The following TENM3 variants were observed in gnomAD, a reference collection of about 807,000 sequenced individuals.
The protein encoded by TENM3 is teneurin-3.
In TENM3, 63 loss-of-function variants were observed where a neutral mutation model predicts 255.1. The observed-to-expected ratio is 0.25, with a 90% CI of 0.20 to 0.30. The LOEUF (loss-of-function observed/expected upper bound fraction) is 0.30, where lower values mean the gene tolerates loss of function less well. Among genes scored for constraint, TENM3 ranks in the 10% least tolerant of loss-of-function variants. The pLI is 1.00. For missense variants in TENM3, 2,929 were observed against 3,461.1 expected (o/e 0.85, Z 3.86); for synonymous variants, 1,306 against 1,322.3 (o/e 0.99, Z 0.27).
intron 4 of TENM3, among the ~76,000 whole-genome samples, chr4:182,616,522 T>TTAA (rs1554000094): frequency 2.2e-4 from 21 of 94,284 alleles, no homozygotes; most frequent in South Asian, 4.2e-4. Flanking sequence ...TAAAGTATAA[T>TTAA]AAAAAAAAAA....
the TENM3 span, among the ~76,000 whole-genome samples, chr4:181,971,854 A>G: frequency 6.6e-6 from 1 of 152,076 alleles, no homozygotes; most frequent in Non-Finnish European, 1.5e-5. Flanking sequence ...ACAGTCATGC[A>G]CCACTGCACC....
At chr4:181,752,793 A>G in the TENM3 span, among the ~76,000 whole-genome samples, 1 of 152,164 alleles carries the variant, frequency 6.6e-6, no homozygotes. Flanking sequence ...AGAAAAAAAA[A>G]TAGATCTTTT....
chr4:182,076,437 C>T, the TENM3 span, among the ~76,000 whole-genome samples: 3 of 152,094 alleles, frequency 2.0e-5, no homozygotes, highest in Admixed American at 6.6e-5. Context: ...CACTTGACCT[C>T]GTGATCCACC....
chr4:182,496,377 AT>A, intron 3 of TENM3, among the ~76,000 whole-genome samples: 1 of 151,676 alleles, frequency 6.6e-6, no homozygotes, highest in African/African-American at 2.4e-5. Context: ...TTAAGCATAC[AT>A]TTTCCTGAGA....
At chr4:181,595,444 A>AAAAAAAAAAAC in the TENM3 span, among the ~76,000 whole-genome samples, 167 of 129,320 alleles carry the variant, frequency 1.3e-3, 1 homozygote, top group African/African-American at 3.0e-3. Flanking sequence ...AAAAAAAAAA[A>AAAAAAAAAAAC]AAAAAAAAAA....
the TENM3 span, among the ~76,000 whole-genome samples, chr4:182,033,549 G>A: frequency 6.6e-6 from 1 of 152,148 alleles, no homozygotes; most frequent in Non-Finnish European, 1.5e-5. Context: ...TATCTATCAG[G>A]TCCACTTGAT....
the TENM3 span, among the ~76,000 whole-genome samples, chr4:181,720,227 G>T: frequency 6.6e-6 from 1 of 152,072 alleles, no homozygotes; most frequent in Non-Finnish European, 1.5e-5. Flanking sequence ...AAGTTTCCAT[G>T]GCATTATTTT....
chr4:182,055,180 C>G, the TENM3 span, among the ~76,000 whole-genome samples: 1 of 152,048 alleles, frequency 6.6e-6, no homozygotes, highest in African/African-American at 2.4e-5. Flanking sequence ...GATCCCATCC[C>G]TACAAAAAAT....
At chr4:182,611,133 GTC>G (rs761848991) in intron 4 of TENM3, among the ~76,000 whole-genome samples, 5 of 151,928 alleles carry the variant, frequency 3.3e-5, no homozygotes, top group African/African-American at 4.8e-5. Context: ...TAGATGACAG[GTC>G]TCCAAATATA....
the TENM3 span, among the ~76,000 whole-genome samples, chr4:181,864,022 G>A: frequency 2.0e-5 from 3 of 152,066 alleles, no homozygotes; most frequent in African/African-American, 7.2e-5. Flanking sequence ...AGTTTCATGT[G>A]AACATGAATC....
At chr4:182,308,065 T>C (rs958894927) in intron 1 of TENM3, among the ~76,000 whole-genome samples, 6 of 152,298 alleles carry the variant, frequency 3.9e-5, no homozygotes, top group South Asian at 2.1e-4. Flanking sequence ...TCTGCCGTGG[T>C]TTATAACTAC....
intron 12 of TENM3, among the ~76,000 whole-genome samples, chr4:182,713,032 TATC>T (rs1439822479): frequency 4.6e-5 from 7 of 152,238 alleles, no homozygotes; most frequent in Non-Finnish European, 8.8e-5. Flanking sequence ...GCATGCCAGA[TATC>T]ATCAGTAGGA....
the TENM3 span, among the ~76,000 whole-genome samples, chr4:181,562,433 T>C: frequency 7.2e-5 from 11 of 152,198 alleles, no homozygotes; most frequent in Non-Finnish European, 1.5e-4. Flanking sequence ...TTCAAAAGTA[T>C]GCTATAAAAA....
At chr4:181,589,317 T>C in the TENM3 span, among the ~76,000 whole-genome samples, 1 of 152,248 alleles carries the variant, frequency 6.6e-6, no homozygotes, top group East Asian at 1.9e-4. Context: ...TTTGTGACTT[T>C]GGTTTATAAA....
chr4:181,748,765 T>C, the TENM3 span, among the ~76,000 whole-genome samples: 2 of 152,106 alleles, frequency 1.3e-5, no homozygotes, highest in Admixed American at 1.3e-4. Context: ...AATTAAGCAA[T>C]AAGACATGAC....
At chr4:182,332,782 CATAAGAT>C (rs981945678) in intron 2 of TENM3, among the ~76,000 whole-genome samples, 2 of 149,740 alleles carry the variant, frequency 1.3e-5, no homozygotes, top group African/African-American at 4.9e-5. Flanking sequence ...GGAAGAGGTA[CATAAGAT>C]ATAACTGAAA....
chr4:182,565,082 C>T (rs147677566), intron 3 of TENM3, among the ~76,000 whole-genome samples: 256 of 152,256 alleles, frequency 1.7e-3, no homozygotes, highest in Admixed American at 4.0e-3. Context: ...GGCAATACAG[C>T]TTTATTAATA....
intron 3 of TENM3, among the ~76,000 whole-genome samples, chr4:182,371,107 T>C (rs1439887907): frequency 6.6e-6 from 1 of 152,110 alleles, no homozygotes; most frequent in Admixed American, 6.6e-5. Context: ...ATTAGACCAA[T>C]ATTCATTCCT....
At chr4:182,467,656 C>A (rs1194131378) in intron 3 of TENM3, among the ~76,000 whole-genome samples, 1 of 152,048 alleles carries the variant, frequency 6.6e-6, no homozygotes, top group Non-Finnish European at 1.5e-5. Flanking sequence ...TTAAGGAGGC[C>A]ACAGAGAAGA....
Sources: allele counts gnomAD v4.1 joint callset (sites outside exome capture counted in the v4.1 genomes callset), GRCh38; gene constraint gnomAD v4.1.1; transcripts MANE v1.5; gene names NCBI Gene and HGNC (gene_info 2026-07-23, HGNC 2026-07-21).